The following GRIK2 variants were observed in gnomAD, a reference collection of about 807,000 sequenced individuals.
GRIK2 encodes glutamate ionotropic receptor kainate type subunit 2.
Under a neutral mutation model 100.3 loss-of-function variants are expected in GRIK2, and 32 were observed. The observed-to-expected ratio is 0.32, with a 90% confidence interval of 0.24 to 0.43. The LOEUF (loss-of-function observed/expected upper bound fraction) is 0.43. GRIK2 is among the 20% of genes least tolerant of loss of function. GRIK2 has a pLI of 1.00. For synonymous variants in GRIK2, 417 were observed against 389.4 expected, an observed-to-expected ratio of 1.07 and a Z score of -0.83; for missense variants, 843 against 1,114.9, an observed-to-expected ratio of 0.76 and a Z score of 3.47.
At chr6:102,056,699 A>C (rs968850573) in intron 16 of GRIK2, among the ~76,000 whole-genome samples, 1 of 151,964 alleles carries the variant, frequency 6.6e-6, no homozygotes. Flanking sequence ...TTGTACCTTT[A>C]GAAATATTTT....
At chr6:101,837,946 G>A (rs1211886853) in intron 10 of GRIK2, among the ~76,000 whole-genome samples, 12 of 152,052 alleles carry the variant, frequency 7.9e-5, no homozygotes, top group Non-Finnish European at 1.3e-4. Context: ...CCCCAAATGT[G>A]TCTCCGTGGT....
chr6:101,772,744 A>G (rs1037511189), intron 7 of GRIK2, among the ~76,000 whole-genome samples: 5 of 146,256 alleles, frequency 3.4e-5, no homozygotes, highest in Admixed American at 2.8e-4. Context: ...GAAGCTATTG[A>G]TGTTGCTAGA....
intron 2 of GRIK2, among the ~76,000 whole-genome samples, chr6:101,479,657 C>G (rs1224297395): frequency 6.6e-6 from 1 of 152,056 alleles, no homozygotes; most frequent in African/African-American, 2.4e-5. Flanking sequence ...AGTAGATTAT[C>G]AATATGAATG....
At chr6:101,804,529 G>A (rs922333827) in intron 9 of GRIK2, among the ~76,000 whole-genome samples, 1 of 152,020 alleles carries the variant, frequency 6.6e-6, no homozygotes, top group African/African-American at 2.4e-5. Context: ...CATCAGCAAT[G>A]TTGTTAGTTC....
At chr6:101,498,298 T>G (rs1161856574) in intron 2 of GRIK2, among the ~76,000 whole-genome samples, 7 of 152,038 alleles carry the variant, frequency 4.6e-5, no homozygotes, top group Non-Finnish European at 1.0e-4. Flanking sequence ...TCCAAGTCTT[T>G]GCTCTTGTGA....
At chr6:101,744,558 A>ATATATATATATATATC (rs751011648) in intron 7 of GRIK2, 12 of 115,008 alleles carry the variant, frequency 1.0e-4, no homozygotes, top group African/African-American at 4.4e-4. Context: ...ATATATATAT[A>ATATATATATATATATC]TCACAATTTC....
At chr6:102,037,023 A>C (rs1215336276) in intron 15 of GRIK2, among the ~76,000 whole-genome samples, 2 of 151,330 alleles carry the variant, frequency 1.3e-5, no homozygotes, top group Non-Finnish European at 3.0e-5. Flanking sequence ...AAAGTCTAGG[A>C]AGTCCAATAA....
chr6:101,700,838 A>C (rs1772841468), intron 7 of GRIK2, among the ~76,000 whole-genome samples: 1 of 152,092 alleles, frequency 6.6e-6, no homozygotes. Flanking sequence ...TGAGTTAATA[A>C]GGACTGGTAT....
Position 102,002,756 on chromosome 6 carries a change from A to AT in GRIK2, c.2086-32585_2086-32584insT, listed in dbSNP as rs570616688. 3.4e-4 allele frequency among the ~76,000 whole-genome samples: 51 copies of AT among 150,602 alleles called. 1 individual carries two copies. The highest frequency in any genetic ancestry group is 1.2e-3 in the African/African-American group (48 of 41,392). On this transcript the variant is annotated intron_variant, in intron 14 of 16. Transcript: ENST00000369134. ...CACTGAAAGAACAATGATAAAAAAA[A>AT]CTCTCATTACAATCCCACCTATTAT...
intron 2 of GRIK2, among the ~76,000 whole-genome samples, chr6:101,577,199 T>A (rs1777831470): frequency 6.6e-6 from 1 of 152,046 alleles, no homozygotes; most frequent in Admixed American, 6.6e-5. Flanking sequence ...AATGTAACTT[T>A]GCATCTGACA....
intron 14 of GRIK2, among the ~76,000 whole-genome samples, chr6:101,976,691 TAAAAG>T (rs1793399624): frequency 6.6e-6 from 1 of 151,208 alleles, no homozygotes; most frequent in Admixed American, 6.6e-5. Context: ...TCCTGTTTCT[TAAAAG>T]AAAAAAAATG....
intron 4 of GRIK2, among the ~76,000 whole-genome samples, chr6:101,653,627 A>AT (rs1781922361): frequency 6.6e-6 from 1 of 151,048 alleles, no homozygotes; most frequent in African/African-American, 2.4e-5. Flanking sequence ...AAACATCTTT[A>AT]TTTTCTTTCT....
chr6:101,977,084 G>A (rs1315014683), intron 14 of GRIK2, among the ~76,000 whole-genome samples: 2 of 151,910 alleles, frequency 1.3e-5, no homozygotes, highest in Non-Finnish European at 2.9e-5. Flanking sequence ...AACCAGGCAA[G>A]TAGGCAGTGA....
intron 14 of GRIK2, among the ~76,000 whole-genome samples, chr6:101,943,279 G>A (rs937855057): frequency 6.6e-6 from 1 of 152,174 alleles, no homozygotes; most frequent in African/African-American, 2.4e-5. Context: ...GAAACACCTG[G>A]CTGTCCAGGC....
intron 7 of GRIK2, among the ~76,000 whole-genome samples, chr6:101,704,330 A>G (rs1358954626): frequency 1.3e-5 from 2 of 151,808 alleles, no homozygotes; most frequent in African/African-American, 4.8e-5. Context: ...GACAGTGAAA[A>G]TGTGGATTGA....
At chr6:101,958,250 T>A in intron 14 of GRIK2, among the ~76,000 whole-genome samples, 1 of 140,354 alleles carries the variant, frequency 7.1e-6, no homozygotes, top group Admixed American at 7.3e-5. Context: ...TATTGCTACA[T>A]ATTTGTGTGT....
At chr6:101,814,863 A>G (rs994530495) in intron 9 of GRIK2, among the ~76,000 whole-genome samples, 7 of 152,206 alleles carry the variant, frequency 4.6e-5, no homozygotes, top group African/African-American at 1.4e-4. Flanking sequence ...AAATGCTCAC[A>G]ATAGTGTATA....
At chr6:101,404,348 A>G (rs1259348375) in intron 2 of GRIK2, among the ~76,000 whole-genome samples, 1 of 152,260 alleles carries the variant, frequency 6.6e-6, no homozygotes, top group African/African-American at 2.4e-5. Context: ...TCACCATTAC[A>G]TAAAGTGTTG....
At chr6:102,054,794 C>T (rs1771385950) in intron 15 of GRIK2, among the ~76,000 whole-genome samples, 1 of 152,106 alleles carries the variant, frequency 6.6e-6, no homozygotes, top group Non-Finnish European at 1.5e-5. Context: ...CCTGTGACTT[C>T]TGTTATGCAC....
Sources: gnomAD v4.1 joint callset for allele counts (sites outside exome capture counted in the v4.1 genomes callset) on GRCh38, gnomAD v4.1.1 for gene constraint, MANE v1.5 for transcripts, NCBI Gene and HGNC (gene_info 2026-07-23, HGNC 2026-07-21) for gene names.